The following NRXN2 variants were observed in gnomAD, a reference collection of about 807,000 sequenced individuals.
NRXN2 encodes neurexin-2-beta.
Under a neutral mutation model 128.8 loss-of-function variants are expected in NRXN2, and 29 were observed. That is an observed-to-expected ratio of 0.23 (90% CI 0.17 to 0.31). The LOEUF (loss-of-function observed/expected upper bound fraction) is 0.31, where lower values mean the gene tolerates loss of function less well. Among genes scored for constraint, NRXN2 ranks in the 10% least tolerant of loss-of-function variants. The pLI, the probability that NRXN2 is intolerant of heterozygous loss-of-function variation, is 1.00. For missense variants in NRXN2, 1,881 were observed against 2,452.6 expected, an observed-to-expected ratio of 0.77 and a Z score of 4.92; for synonymous variants, 1,098 against 1,075.2, an observed-to-expected ratio of 1.02 and a Z score of -0.41.
At chr11:64,611,179 TC>T (rs1164485010) in intron 22 of NRXN2, among the ~76,000 whole-genome samples, 5 of 152,310 alleles carry the variant, frequency 3.3e-5, no homozygotes, top group African/African-American at 1.2e-4. Context: ...CTCAGGCATT[TC>T]CTCTGAGCCA....
Position 64,648,198 on chromosome 11 carries a change from C to A in NRXN2, c.3403+21G>T. 6.2e-6 allele frequency: 10 copies of A among 1,614,076 alleles called. No individual in the cohort carries two copies. Among genetic ancestry groups the A allele is most frequent in the Non-Finnish European group, 8.5e-6 (10 of 1,180,012 alleles). ...GGACCCTGGTCTCCCCAAACTGCCC[C>A]CAGCCCTCCCAGGCACTCACGATCA... On this transcript the variant is annotated intron_variant, in intron 17 of 22. Transcript: ENST00000265459. The surrounding 1 kb of genome is among the most constrained non-coding windows in gnomAD (Gnocchi z 4.1).
At position 64,626,508 on chromosome 11, in the gene NRXN2, G is replaced by T; in HGVS notation, c.3802C>A (p.Pro1268Thr). Reference sequence around the variant, plus strand: ...TCTACTACTCGACCAAGCCGGTAGGGGATTCTCTGTCTAGCAATCGCCAGG... The same window carrying T: ...TCTACTACTCGACCAAGCCGGTAGGTGATTCTCTGTCTAGCAATCGCCAGG... ...ERLAIARQRI[P>T]YRLGRVVDEW... Residue 1268 changes from proline to threonine, a missense_variant, in exon 20 of 23, where the codon CCC becomes ACC. Pro to Thr is a conservative substitution (Grantham distance 38, BLOSUM62 -1). Transcript: ENST00000265459. 1 of 1,614,044 alleles carries T rather than the reference G, an allele frequency of 6.2e-7. No individual in the cohort carries two copies. The highest frequency in any genetic ancestry group is 8.5e-7 in the Non-Finnish European group (1 of 1,179,964).
rs557104010 is a variant in NRXN2, at chr11:64,668,475, C to T, written c.1327G>A (p.Val443Ile). ...AGGCAGCCCATGAAGTTGTTGCTGACGGGCGAGCCCGGCAGGTCAGCTGTG... is the reference window on the plus strand; with the variant it reads ...AGGCAGCCCATGAAGTTGTTGCTGATGGGCGAGCCCGGCAGGTCAGCTGTG... ...PNTADLPGSP[V>I]SNNFMGCLKD... The change falls in exon 8 of 23, where the codon GTC becomes ATC. Residue 443 changes from valine to isoleucine, a missense_variant. Physicochemically the swap from Val to Ile is conservative, Grantham distance 29. Around this residue, in one of 7 missense-constraint regions of NRXN2, gnomAD observed 997 missense variants for 1,240.8 expected, o/e 0.80. Coordinates refer to ENST00000265459, the MANE Select transcript of NRXN2 (RefSeq NM_015080.4). 1.3e-5 allele frequency: 21 copies of T among 1,613,956 alleles called. No homozygotes were observed. Among genetic ancestry groups the T allele is most frequent in the African/African-American group, 1.2e-4 (9 of 74,932 alleles).
Position 64,685,955 on chromosome 11 carries a change from C to A in NRXN2, c.851-8G>T, listed in dbSNP as rs371081453. The A allele has an allele frequency of 6.6e-5, 106 of 1,614,032 alleles. No homozygotes were observed. The highest frequency in any genetic ancestry group is 8.7e-5 in the Non-Finnish European group (103 of 1,180,042). On this transcript the variant is annotated splice_region_variant and splice_polypyrimidine_tract_variant and intron_variant, in intron 5 of 22. Coordinates refer to ENST00000265459, the MANE Select transcript of NRXN2 (RefSeq NM_015080.4). ...CCACAAACTCCTCCTTGCCTGGATGCCGTGGTGTGGGGAAACGGGAGAAGG... is the reference window on the plus strand; with the variant it reads ...CCACAAACTCCTCCTTGCCTGGATGACGTGGTGTGGGGAAACGGGAGAAGG...
At chr11:64,694,762 A>T (rs1214786711) in intron 3 of NRXN2, among the ~76,000 whole-genome samples, 1 of 152,162 alleles carries the variant, frequency 6.6e-6, no homozygotes, top group Admixed American at 6.5e-5. Flanking sequence ...CCCAGGACCC[A>T]GACCCAGAGC....
At chr11:64,719,177 A>G (rs1338822127) in intron 1 of NRXN2, among the ~76,000 whole-genome samples, 1 of 152,204 alleles carries the variant, frequency 6.6e-6, no homozygotes, top group Non-Finnish European at 1.5e-5. Context: ...TGCAGTACCG[A>G]GTGCCTAGTG....
intron 9 of NRXN2, among the ~76,000 whole-genome samples, chr11:64,662,654 C>T (rs1045068527): frequency 2.0e-5 from 3 of 150,988 alleles, no homozygotes; most frequent in East Asian, 2.0e-4. Flanking sequence ...TGGTGGCGGG[C>T]GCCTGTAGTC....
intron 11 of NRXN2, among the ~76,000 whole-genome samples, chr11:64,655,627 T>C (rs2048160066): frequency 6.6e-6 from 1 of 152,026 alleles, no homozygotes; most frequent in Non-Finnish European, 1.5e-5. Context: ...TTGATTCTTC[T>C]CCTTCCCCAG....
intron 1 of NRXN2, among the ~76,000 whole-genome samples, chr11:64,721,832 A>G (rs1157274531): frequency 6.6e-6 from 1 of 152,164 alleles, no homozygotes; most frequent in African/African-American, 2.4e-5. Context: ...CCCCCAGGGC[A>G]GCCAAGGGAC....
chr11:64,718,626 C>T (rs926944584), intron 1 of NRXN2, among the ~76,000 whole-genome samples: 1 of 152,060 alleles, frequency 6.6e-6, no homozygotes, highest in African/African-American at 2.4e-5. Flanking sequence ...GAGGTGAGAC[C>T]GGATGACTGC....
chr11:64,702,724 C>T lies in NRXN2; in HGVS notation c.731-4932G>A, dbSNP rs1226087442. On this transcript the variant is annotated intron_variant, in intron 2 of 22. Coordinates refer to ENST00000265459, the MANE Select transcript of NRXN2 (RefSeq NM_015080.4). ...AGACCTTTGTTCACTTGTTTATCTG[C>T]TGACCTTCCCTCCACTATTGTCCTG... Among the ~76,000 whole-genome samples, 19 of 148,564 alleles carry T rather than the reference C, an allele frequency of 1.3e-4. 2 individuals are homozygous for T. The highest frequency in any genetic ancestry group is 8.7e-4 in the Admixed American group (13 of 14,888).
chr11:64,653,804 G>A, intron 11 of NRXN2, 82 bp from the exon 12 acceptor site: 2 of 1,065,950 alleles, frequency 1.9e-6, no homozygotes, highest in Non-Finnish European at 2.8e-6. Context: ...ATCCTTCACA[G>A]GGAGGGGTGT....
At chr11:64,609,662 C>T (rs1049719543) in intron 22 of NRXN2, among the ~76,000 whole-genome samples, 3 of 152,202 alleles carry the variant, frequency 2.0e-5, no homozygotes, top group Non-Finnish European at 4.4e-5. Context: ...CAAAATTGTG[C>T]AACCTCCTGG....
intron 20 of NRXN2, among the ~76,000 whole-genome samples, chr11:64,624,740 A>T (rs557452842): frequency 2.6e-5 from 4 of 152,370 alleles, no homozygotes; most frequent in African/African-American, 4.8e-5. Flanking sequence ...TCCCAAACTC[A>T]TTCTACCACA....
At chr11:64,626,345 G>T in intron 20 of NRXN2, 118 bp downstream of exon 20, 1 of 779,972 alleles carries the variant, frequency 1.3e-6, no homozygotes, top group Non-Finnish European at 2.1e-6. Flanking sequence ...CTGGCCAATT[G>T]TCCCTTCACT....
intron 9 of NRXN2, among the ~76,000 whole-genome samples, chr11:64,662,818 G>A (rs2049237508): frequency 6.6e-6 from 1 of 152,018 alleles, no homozygotes; most frequent in Non-Finnish European, 1.5e-5. Context: ...AAGGGGTCAG[G>A]GTGGGAGTTG....
At chr11:64,696,171 T>C (rs188905978) in intron 3 of NRXN2, among the ~76,000 whole-genome samples, 24 of 151,828 alleles carry the variant, frequency 1.6e-4, no homozygotes, top group Non-Finnish European at 2.9e-4. Context: ...AGACATGACA[T>C]CAAGAGCAAG....
At chr11:64,705,018 C>T (rs1339097812) in intron 2 of NRXN2, among the ~76,000 whole-genome samples, 2 of 152,176 alleles carry the variant, frequency 1.3e-5, no homozygotes, top group Non-Finnish European at 2.9e-5. Context: ...TCTCCAAGGA[C>T]TTGGAAAACT....
At chr11:64,654,261 A>G (rs1591833189) in intron 11 of NRXN2, among the ~76,000 whole-genome samples, 1 of 151,522 alleles carries the variant, frequency 6.6e-6, no homozygotes, top group Admixed American at 6.6e-5. Flanking sequence ...GAGGCCATAC[A>G]CCTCCCAAAG....
Sources: gnomAD v4.1 joint callset for allele counts (sites outside exome capture counted in the v4.1 genomes callset) on GRCh38, gnomAD v4.1.1 for gene constraint, gnomAD v4.1.1 regional missense constraint, Gnocchi (gnomAD v3.1) non-coding constraint, MANE v1.5 for transcripts, NCBI Gene and HGNC (gene_info 2026-07-23, HGNC 2026-07-21) for gene names.